Variants in NSD1 observed in about 807,000 individuals in gnomAD.
NSD1 encodes nuclear receptor binding SET domain protein 1.
In NSD1, 26 loss-of-function variants were observed where a neutral mutation model predicts 242.7. The ratio of observed to expected loss-of-function variants is 0.11; its 90% CI spans 0.08 to 0.15. NSD1 has a LOEUF of 0.15. Among genes scored for constraint, NSD1 ranks in the 10% least tolerant of loss-of-function variants. NSD1 has a pLI of 1.00. For missense variants in NSD1, 2,495 were observed against 3,272.8 expected (o/e 0.76, Z 5.80); for synonymous variants, 1,106 against 1,178.1 (o/e 0.94, Z 1.25).
At position 177,135,774 on chromosome 5, in the gene NSD1, C is replaced by T. The variant is rs182386652; in HGVS notation, c.671C>T (p.Ser224Leu). The T allele has an allele frequency of 2.0e-5, 33 of 1,612,880 alleles. No individual in the cohort carries two copies. The highest frequency in any genetic ancestry group is 1.2e-4 in the Admixed American group (7 of 59,992). ...TPESRHGAVK[S>L]PFLPLAPQTE... is the part of the protein sequence containing the mutation. ...GAGAGTAGACACGGTGCAGTCAAAT[C>T]GCCATTCTTGCCATTAGCTCCTCAG... is the stretch of plus-strand genomic sequence containing the variant. Residue 224 changes from serine to leucine, a missense_variant, in exon 2 of 23, where the codon TCG becomes TTG. Around this residue, in one of 19 missense-constraint regions of NSD1, gnomAD observed 376 missense variants for 367.4 expected, o/e 1.02. Coordinates refer to ENST00000439151, the MANE Select transcript of NSD1 (RefSeq NM_022455.5).
At chr5:177,132,877 C>T (rs987025669), upstream of NSD1, 9 of 152,320 alleles carry the variant, frequency 5.9e-5, no homozygotes, top group African/African-American at 2.2e-4. The surrounding 1 kb of genome is among the most constrained non-coding windows in gnomAD (Gnocchi z 7.5). Context: ...CCCGGCCCGT[C>T]TGCGCTGCTG....
intron 2 of NSD1, among the ~76,000 whole-genome samples, chr5:177,144,696 A>G (rs752219417): frequency 1.3e-5 from 2 of 152,196 alleles, no homozygotes; most frequent in African/African-American, 2.4e-5. Flanking sequence ...GTGGTAGGAT[A>G]ATAACAATTG....
In NSD1 at chr5:177,182,232, G is replaced by A. The variant is rs114064297; in HGVS notation, c.928-9652G>A. ...CTTGGGAGGCCAATGCTAGAGGACC[G>A]CTGGAACCCAGGAGGCAGAGGCTAC... On this transcript the variant is annotated intron_variant, in intron 2 of 22. Transcript: ENST00000439151. 5.7e-3 allele frequency among the ~76,000 whole-genome samples: 873 copies of A among 152,138 alleles called. 11 individuals carry two copies. The highest frequency in any genetic ancestry group is 0.02 in the African/African-American group (825 of 41,504).
intron 11 of NSD1, among the ~76,000 whole-genome samples, chr5:177,249,956 C>T (rs1471708154): frequency 6.6e-6 from 1 of 152,138 alleles, no homozygotes; most frequent in Non-Finnish European, 1.5e-5. Context: ...CATGACAGTT[C>T]GTGCCTGTAA....
intron 2 of NSD1, among the ~76,000 whole-genome samples, chr5:177,148,340 A>G (rs1218665675): frequency 6.6e-6 from 1 of 151,752 alleles, no homozygotes; most frequent in African/African-American, 2.4e-5. Context: ...CTGGTCCCAA[A>G]CTCTTGACCC....
At chr5:177,132,846 T>C (rs1755969836), upstream of NSD1, among the ~76,000 whole-genome samples, 1 of 151,786 alleles carries the variant, frequency 6.6e-6, no homozygotes, top group Admixed American at 6.5e-5. This position sits in a 1 kb window ranked among gnomAD's most constrained non-coding sequence, Gnocchi z 7.5. Context: ...TGAGGGGCTG[T>C]GGGCACCGCA....
In NSD1 at chr5:177,211,313, A is replaced by G. The variant is rs761374069; in HGVS notation, c.2914A>G (p.Thr972Ala). ...THNSEKKGDGTQNSANPSPSG... is the reference protein window; with the variant it reads ...THNSEKKGDGAQNSANPSPSG... ...CAATTCAGAGAAAAAGGGAGATGGC[A>G]CTCAGAACTCCGCCAATCCTAGCCC... The change falls in exon 5 of 23, where the codon ACT becomes GCT. Residue 972 changes from threonine to alanine, a missense_variant. By Grantham distance (58) the Thr-to-Ala change is moderately conservative. Transcript: ENST00000439151. The G allele has an allele frequency of 3.2e-5, 52 of 1,613,994 alleles. No homozygotes were observed. The highest frequency in any genetic ancestry group is 1.2e-4 in the Admixed American group (7 of 59,972).
chr5:177,167,761 A>G (rs1207234578), intron 2 of NSD1, among the ~76,000 whole-genome samples: 1 of 152,118 alleles, frequency 6.6e-6, no homozygotes, highest in East Asian at 1.9e-4. Context: ...GCTTATCTGG[A>G]CGTAAGCACA....
intron 3 of NSD1, among the ~76,000 whole-genome samples, chr5:177,194,564 TGA>T (rs1351668756): frequency 6.8e-6 from 1 of 146,354 alleles, no homozygotes; most frequent in African/African-American, 2.5e-5. Context: ...ATTACATGTG[TGA>T]GTCACCATGC....
At chr5:177,251,661 A>T in intron 11 of NSD1, 69 bp from the exon 12 acceptor site, 1 of 1,543,846 alleles carries the variant, frequency 6.5e-7, no homozygotes, top group South Asian at 1.1e-5. Flanking sequence ...ACTTTAACCC[A>T]CTGACACTGG....
At chr5:177,157,619 G>A (rs1409270220) in intron 2 of NSD1, among the ~76,000 whole-genome samples, 3 of 151,992 alleles carry the variant, frequency 2.0e-5, no homozygotes, top group Non-Finnish European at 4.4e-5. Context: ...TCAGTCCCTG[G>A]GCTACAGGGT....
chr5:177,266,404 C>A (rs1034849707), intron 14 of NSD1: 78 of 649,406 alleles, frequency 1.2e-4, no homozygotes, highest in Non-Finnish European at 4.9e-5. Context: ...TGTGTCCGAG[C>A]CCACATCCAG....
At chr5:177,284,794 A>T (rs1242009280) in intron 20 of NSD1, among the ~76,000 whole-genome samples, 1 of 152,132 alleles carries the variant, frequency 6.6e-6, no homozygotes. Context: ...TGGGTTATGG[A>T]CCCAAGGCTA....
intron 18 of NSD1, among the ~76,000 whole-genome samples, chr5:177,281,269 ATGTCT>A (rs1170799130): frequency 1.3e-5 from 2 of 152,070 alleles, no homozygotes; most frequent in Non-Finnish European, 1.5e-5. Flanking sequence ...AAATGCAGTC[ATGTCT>A]TCAACTTAAA....
intron 14 of NSD1, among the ~76,000 whole-genome samples, chr5:177,263,080 C>A (rs1757118997): frequency 6.6e-6 from 1 of 152,218 alleles, no homozygotes; most frequent in Admixed American, 6.5e-5. Context: ...ATACTGATGT[C>A]TCTTATCTCC....
At chr5:177,260,293 T>A in intron 14 of NSD1, 125 bp downstream of exon 14, 3 of 837,764 alleles carry the variant, frequency 3.6e-6, no homozygotes, top group Non-Finnish European at 5.8e-6. Flanking sequence ...ACTATTCATC[T>A]GCCATTCAGG....
chr5:177,178,144 C>A (rs1760360417), intron 2 of NSD1, among the ~76,000 whole-genome samples: 1 of 152,164 alleles, frequency 6.6e-6, no homozygotes, highest in Admixed American at 6.6e-5. Flanking sequence ...GATCTGCCCA[C>A]CTTGGCCTGC....
chr5:177,264,927 C>G lies in NSD1; in HGVS notation c.5147-2635C>G, dbSNP rs565333545. ...GTACTCTTCAAAAAGGAATGCCCCA[C>G]AAGTGTTATCATGGCAAAACTGGAA... On this transcript the variant is annotated intron_variant, in intron 14 of 22. Coordinates refer to ENST00000439151, the MANE Select transcript of NSD1 (RefSeq NM_022455.5). 6.6e-5 allele frequency: 56 copies of G among 846,600 alleles called. 1 individual carries two copies. The South Asian group carries it at 6.8e-4, about 10-fold the overall frequency. The allele number at this position is 846,600 out of a possible 1,614,324, so 52.4% of individuals were successfully genotyped here.
intron 2 of NSD1, among the ~76,000 whole-genome samples, chr5:177,182,828 G>A (rs1760804440): frequency 6.6e-6 from 1 of 152,054 alleles, no homozygotes; most frequent in Admixed American, 6.6e-5. Context: ...AGTAGAGACA[G>A]GGTTTCACCA....
Sources: gnomAD v4.1 joint callset for allele counts (sites outside exome capture counted in the v4.1 genomes callset) on GRCh38, gnomAD v4.1.1 for gene constraint, gnomAD v4.1.1 regional missense constraint, Gnocchi (gnomAD v3.1) non-coding constraint, MANE v1.5 for transcripts, NCBI Gene and HGNC (gene_info 2026-07-23, HGNC 2026-07-21) for gene names.